The following ACTR3C variants were observed in gnomAD, a reference collection of about 807,000 sequenced individuals.
ACTR3C encodes actin related protein 3C.
ACTR3C carries 18 observed loss-of-function variants against 26.3 expected under a neutral mutation model. The ratio of observed to expected loss-of-function variants is 0.68; its 90% confidence interval spans 0.47 to 1.01. The LOEUF (loss-of-function observed/expected upper bound fraction) is 1.01, where lower values mean the gene tolerates loss of function less well. Among genes scored for constraint, ACTR3C ranks in the 50% least tolerant of loss-of-function variants. ACTR3C has a pLI of 0.00. For synonymous variants in ACTR3C, 55 were observed against 94.5 expected (o/e 0.58, Z 2.42); for missense variants, 184 against 250.7 (o/e 0.73, Z 1.80).
At chr7:149,913,396 G>A in the ACTR3C span, among the ~76,000 whole-genome samples, 41 of 152,198 alleles carry the variant, frequency 2.7e-4, no homozygotes, top group Non-Finnish European at 5.0e-4. Context: ...ACTGAGGATA[G>A]GGGAGGCGGG....
At chr7:150,035,995 G>A in the ACTR3C span, among the ~76,000 whole-genome samples, 75 of 123,446 alleles carry the variant, frequency 6.1e-4, 5 homozygotes, top group South Asian at 2.1e-3. Context: ...TGCCTCGCGG[G>A]GGGTGCCTCC....
At chr7:150,073,565 T>G in the ACTR3C span, 4 of 148,134 alleles carry the variant, frequency 2.7e-5, no homozygotes, top group African/African-American at 1.0e-4. Context: ...TAATTAAATT[T>G]CAAAGCTTTT....
chr7:150,152,739 G>A, the ACTR3C span, among the ~76,000 whole-genome samples: 2 of 152,096 alleles, frequency 1.3e-5, no homozygotes, highest in Non-Finnish European at 2.9e-5. Context: ...TGTACCTCTG[G>A]TAGAATTCAG....
intron 1 of ACTR3C, among the ~76,000 whole-genome samples, chr7:150,320,397 G>C (rs1797381464): frequency 6.6e-6 from 1 of 152,190 alleles, no homozygotes; most frequent in Admixed American, 6.5e-5. Flanking sequence ...TTATTCTCTT[G>C]TGCAATTAAT....
chr7:149,968,148 G>A, the ACTR3C span, among the ~76,000 whole-genome samples: 1 of 152,272 alleles, frequency 6.6e-6, no homozygotes, highest in Non-Finnish European at 1.5e-5. Context: ...AATCAGATTT[G>A]AGTCCCTGCT....
the ACTR3C span, among the ~76,000 whole-genome samples, chr7:150,046,354 C>T: frequency 9.8e-5 from 7 of 71,748 alleles, no homozygotes; most frequent in African/African-American, 4.1e-5. Context: ...ACCGCCCCCC[C>T]CCCCCCGACC....
chr7:150,227,614 A>AT, the ACTR3C span, among the ~76,000 whole-genome samples: 1 of 148,204 alleles, frequency 6.7e-6, no homozygotes, highest in Non-Finnish European at 1.5e-5. Flanking sequence ...AAGTTTTATC[A>AT]TTTTGTATTT....
intron 6 of ACTR3C, among the ~76,000 whole-genome samples, chr7:150,253,101 A>G (rs1019391138): frequency 1.3e-5 from 2 of 152,148 alleles, no homozygotes; most frequent in Non-Finnish European, 2.9e-5. Flanking sequence ...CTTGAAGACC[A>G]GCAGAGGGTG....
chr7:150,047,961 GGCA>G, the ACTR3C span: 251 of 1,208,500 alleles, frequency 2.1e-4, no homozygotes, highest in Middle Eastern at 6.2e-4. Context: ...GCGGTGGGGA[GGCA>G]GCAGCAGCAG....
chr7:150,205,708 C>T, the ACTR3C span, among the ~76,000 whole-genome samples: 1 of 152,176 alleles, frequency 6.6e-6, no homozygotes, highest in Non-Finnish European at 1.5e-5. Flanking sequence ...CATAGATACC[C>T]TCTATTTTTC....
chr7:150,162,819 A>G, the ACTR3C span, among the ~76,000 whole-genome samples: 6 of 152,180 alleles, frequency 3.9e-5, no homozygotes, highest in Non-Finnish European at 8.8e-5. Flanking sequence ...ACTAAAATTG[A>G]TGAATGACGG....
At chr7:150,320,970 C>G (rs1357815911) in intron 1 of ACTR3C, among the ~76,000 whole-genome samples, 2 of 152,200 alleles carry the variant, frequency 1.3e-5, no homozygotes, top group Non-Finnish European at 2.9e-5. Flanking sequence ...AGAACTCACT[C>G]TTTGACTAAA....
At chr7:150,173,890 A>G in the ACTR3C span, among the ~76,000 whole-genome samples, 1 of 147,372 alleles carries the variant, frequency 6.8e-6, no homozygotes, top group East Asian at 2.0e-4. Flanking sequence ...AAACACAACA[A>G]GAGTCACCTT....
the ACTR3C span, among the ~76,000 whole-genome samples, chr7:150,131,643 C>A: frequency 1.3e-5 from 2 of 152,204 alleles, no homozygotes; most frequent in African/African-American, 2.4e-5. Flanking sequence ...AAGGTACCAA[C>A]CTTCTCCCTC....
At chr7:150,088,149 A>C in the ACTR3C span, among the ~76,000 whole-genome samples, 2 of 152,300 alleles carry the variant, frequency 1.3e-5, no homozygotes, top group Admixed American at 1.3e-4. Flanking sequence ...TCATTTCCTT[A>C]ATGGTGTTTG....
At chr7:150,193,948 TA>T in the ACTR3C span, among the ~76,000 whole-genome samples, 2 of 141,526 alleles carry the variant, frequency 1.4e-5, no homozygotes, top group African/African-American at 2.7e-5. Flanking sequence ...ATGCCTGCTT[TA>T]AAAAAATATA....
chr7:150,049,212 T>G, the ACTR3C span, among the ~76,000 whole-genome samples: 13 of 151,664 alleles, frequency 8.6e-5, no homozygotes, highest in African/African-American at 3.1e-4. Context: ...TCTCTTCCCC[T>G]CCCGGCCCTC....
At chr7:150,297,525 T>G (rs1290144244) in intron 1 of ACTR3C, among the ~76,000 whole-genome samples, 1 of 152,168 alleles carries the variant, frequency 6.6e-6, no homozygotes, top group African/African-American at 2.4e-5. Flanking sequence ...AGACTTACAG[T>G]GAGCAATGAA....
the ACTR3C span, among the ~76,000 whole-genome samples, chr7:149,916,887 C>T: frequency 6.6e-6 from 1 of 152,094 alleles, no homozygotes; most frequent in Non-Finnish European, 1.5e-5. Flanking sequence ...GCATAAAGCA[C>T]TACCAATAGT....
Sources: allele counts gnomAD v4.1 joint callset (sites outside exome capture counted in the v4.1 genomes callset), GRCh38; gene constraint gnomAD v4.1.1; transcripts MANE v1.5; gene names NCBI Gene and HGNC (gene_info 2026-07-23, HGNC 2026-07-21).